Variants in ACOXL observed in about 807,000 individuals in gnomAD.
ACOXL encodes acyl-CoA oxidase like.
A neutral mutation model predicts 71.9 loss-of-function variants in ACOXL; 70 were observed. That is an observed-to-expected ratio of 0.97 (90% confidence interval 0.80 to 1.19). The LOEUF (loss-of-function observed/expected upper bound fraction) is 1.19, where lower values mean the gene tolerates loss of function less well. Among genes scored for constraint, ACOXL ranks in the 50% most tolerant of loss-of-function variants. The pLI is 0.00. For synonymous variants in ACOXL, 253 were observed against 281.6 expected, an observed-to-expected ratio of 0.90 and a Z score of 1.02; for missense variants, 703 against 736.3, an observed-to-expected ratio of 0.95 and a Z score of 0.52.
intron 10 of ACOXL, among the ~76,000 whole-genome samples, chr2:110,855,028 T>C (rs956302808): frequency 3.3e-5 from 5 of 152,220 alleles, no homozygotes; most frequent in Admixed American, 3.3e-4. Context: ...TTGAGAGTCT[T>C]CTTTTAAATC....
intron 16 of ACOXL, among the ~76,000 whole-genome samples, chr2:111,069,803 G>A (rs1475642742): frequency 6.6e-6 from 1 of 152,038 alleles, no homozygotes; most frequent in Admixed American, 6.5e-5. Flanking sequence ...ATGATTCTGA[G>A]CCAGTCTACA....
At chr2:110,769,019 G>A (rs1382741924) in intron 2 of ACOXL, among the ~76,000 whole-genome samples, 1 of 151,720 alleles carries the variant, frequency 6.6e-6, no homozygotes, top group Non-Finnish European at 1.5e-5. Context: ...ACAGGCGAGG[G>A]AATAGGAGTA....
intron 14 of ACOXL, among the ~76,000 whole-genome samples, chr2:111,005,507 T>G (rs1302507853): frequency 6.6e-6 from 1 of 152,244 alleles, no homozygotes; most frequent in African/African-American, 2.4e-5. Context: ...GTGTGCAACC[T>G]GACTACTCTT....
At chr2:110,957,626 T>C (rs966566091) in intron 12 of ACOXL, among the ~76,000 whole-genome samples, 8 of 152,190 alleles carry the variant, frequency 5.3e-5, no homozygotes, top group Non-Finnish European at 1.0e-4. Flanking sequence ...TGTCCTGATA[T>C]CCTCTTATAA....
At chr2:110,884,655 A>G (rs1222130800) in intron 10 of ACOXL, among the ~76,000 whole-genome samples, 1 of 152,130 alleles carries the variant, frequency 6.6e-6, no homozygotes, top group Non-Finnish European at 1.5e-5. Flanking sequence ...GACAATCCCA[A>G]ATGCTGTAAC....
At position 110,987,201 on chromosome 2, in the gene ACOXL, G is replaced by A. The variant is rs751495441; in HGVS notation, c.1153G>A (p.Asp385Asn). The A allele has an allele frequency of 7.0e-6, 11 of 1,573,224 alleles. No individual in the cohort carries two copies. The South Asian group carries it at 1.3e-4, about 18-fold the overall frequency. Residue 385 changes from aspartate to asparagine, a missense_variant, in exon 13 of 18, where the codon GAC (aspartate) becomes AAC (asparagine). Coordinates refer to ENST00000439055, the MANE Select transcript of ACOXL (RefSeq NM_001142807.4). ...CCAAAACTGGGCTGAATCTGTGGGGGACAAGCTGAGAACCAGGTACGTATT... is the reference window on the plus strand; with the variant it reads ...CCAAAACTGGGCTGAATCTGTGGGGAACAAGCTGAGAACCAGGTACGTATT... ...LLQNWAESVG[D>N]KLRTSFLAFN...
chr2:110,779,669 A>T (rs1002492423), intron 2 of ACOXL, among the ~76,000 whole-genome samples: 4 of 152,252 alleles, frequency 2.6e-5, no homozygotes, highest in Non-Finnish European at 5.9e-5. Flanking sequence ...AAACTCACAC[A>T]TATATGACCA....
intron 9 of ACOXL, among the ~76,000 whole-genome samples, chr2:110,839,233 C>T (rs1309243241): frequency 6.6e-6 from 1 of 152,022 alleles, no homozygotes; most frequent in Non-Finnish European, 1.5e-5. Context: ...AAACTGTACT[C>T]CAAAGCTTAT....
At chr2:110,930,486 G>A (rs939392088) in intron 11 of ACOXL, among the ~76,000 whole-genome samples, 1 of 152,216 alleles carries the variant, frequency 6.6e-6, no homozygotes, top group Non-Finnish European at 1.5e-5. Context: ...ACTTTGGACT[G>A]TAAACTTTTG....
intron 2 of ACOXL, among the ~76,000 whole-genome samples, chr2:110,773,377 T>G (rs1682213172): frequency 6.6e-6 from 1 of 152,178 alleles, no homozygotes; most frequent in Admixed American, 6.5e-5. Flanking sequence ...CAGCCTTTCC[T>G]GGGAAGCGTT....
chr2:110,926,523 C>G (rs558207168), intron 11 of ACOXL, among the ~76,000 whole-genome samples: 28 of 152,170 alleles, frequency 1.8e-4, no homozygotes, highest in Admixed American at 6.5e-5. Flanking sequence ...GAGAAGGCTG[C>G]TGACATGCTG....
chr2:110,846,646 C>G (rs895651935), intron 10 of ACOXL, among the ~76,000 whole-genome samples: 1 of 149,022 alleles, frequency 6.7e-6, no homozygotes, highest in Non-Finnish European at 1.5e-5. Flanking sequence ...TACACGCACA[C>G]ACACACACAC....
At chr2:110,843,964 A>T (rs1004429109) in intron 10 of ACOXL, among the ~76,000 whole-genome samples, 10 of 152,264 alleles carry the variant, frequency 6.6e-5, no homozygotes, top group African/African-American at 2.4e-4. Flanking sequence ...AAGGTCCTTC[A>T]CCATCGACCT....
chr2:111,064,930 C>T (rs1417298099), intron 16 of ACOXL, among the ~76,000 whole-genome samples: 1 of 152,172 alleles, frequency 6.6e-6, no homozygotes, highest in African/African-American at 2.4e-5. Flanking sequence ...TATTATTTAT[C>T]CCCATATCGA....
At chr2:110,960,540 A>G (rs2061663517) in intron 12 of ACOXL, among the ~76,000 whole-genome samples, 2 of 151,690 alleles carry the variant, frequency 1.3e-5, no homozygotes, top group African/African-American at 2.4e-5. Context: ...TCCCCGACCT[A>G]TCCCGCCAAC....
chr2:110,828,311 T>G (rs144321936), intron 9 of ACOXL, among the ~76,000 whole-genome samples: 1 of 152,338 alleles, frequency 6.6e-6, no homozygotes, highest in East Asian at 1.9e-4. Flanking sequence ...TTATTTCAAT[T>G]TTTGCTTTTA....
chr2:110,735,431 T>C (rs1676707522), intron 1 of ACOXL, among the ~76,000 whole-genome samples: 1 of 152,174 alleles, frequency 6.6e-6, no homozygotes, highest in Admixed American at 6.5e-5. Flanking sequence ...GAGTGCTGTG[T>C]GTACATAGTG....
At chr2:111,008,371 T>A (rs2149656115) in intron 14 of ACOXL, among the ~76,000 whole-genome samples, 1 of 152,322 alleles carries the variant, frequency 6.6e-6, no homozygotes, top group African/African-American at 2.4e-5. Flanking sequence ...TTCCCTTTTT[T>A]CCTACATACC....
At chr2:110,745,227 C>T (rs1217277222) in intron 1 of ACOXL, among the ~76,000 whole-genome samples, 1 of 152,234 alleles carries the variant, frequency 6.6e-6, no homozygotes, top group African/African-American at 2.4e-5. Context: ...CCTGTCCAGA[C>T]AGGCCCTGTC....
Sources: allele counts gnomAD v4.1 joint callset (sites outside exome capture counted in the v4.1 genomes callset), GRCh38; gene constraint gnomAD v4.1.1; transcripts MANE v1.5; gene names NCBI Gene and HGNC (gene_info 2026-07-23, HGNC 2026-07-21).